NLRP11: variants seen among roughly 807,000 people sequenced by gnomAD.
NLRP11 encodes the protein NLR family pyrin domain containing 11, also known as NACHT, LRR and PYD domains-containing protein 11.
A neutral mutation model predicts 79.3 loss-of-function variants in NLRP11; 53 were observed. That is an observed-to-expected ratio of 0.67 (90% CI 0.54 to 0.84). The LOEUF is 0.84. NLRP11 is among the 40% of genes least tolerant of loss of function. The pLI is 0.00. For synonymous variants in NLRP11, 518 were observed against 462.6 expected (o/e 1.12, Z -1.54); for missense variants, 1,264 against 1,255.0 (o/e 1.01, Z -0.11).
chr19:55,806,150 G>T (rs1273503392), intron 4 of NLRP11, among the ~76,000 whole-genome samples: 1 of 152,022 alleles, frequency 6.6e-6, no homozygotes, highest in African/African-American at 2.4e-5. Flanking sequence ...AGAACTCCGG[G>T]CATCAGTCTT....
chr19:55,792,415 A>G, exon 7 of NLRP11: 1 of 1,614,152 alleles, frequency 6.2e-7, no homozygotes, highest in South Asian at 1.1e-5. Flanking sequence ...TGGGCTGAAC[A>G]GAAGCACTCT....
intron 1 of NLRP11, among the ~76,000 whole-genome samples, chr19:55,822,323 A>G (rs1246412550): frequency 6.6e-6 from 1 of 152,234 alleles, no homozygotes; most frequent in Non-Finnish European, 1.5e-5. Flanking sequence ...CTCTCACCCT[A>G]AAATGATATC....
chr19:55,797,337 G>A (rs543211846), intron 5 of NLRP11, among the ~76,000 whole-genome samples: 17 of 152,188 alleles, frequency 1.1e-4, no homozygotes, highest in Non-Finnish European at 1.8e-4. Context: ...AAAAATAAGT[G>A]ATCTTTCCCC....
chr19:55,808,659 A>G (rs1487098760), intron 3 of NLRP11, 110 bp downstream of exon 3: 1 of 942,938 alleles, frequency 1.1e-6, no homozygotes, highest in Admixed American at 2.4e-5. Context: ...GCTAGATTGG[A>G]AGTCAAGTTC....
intron 2 of NLRP11, among the ~76,000 whole-genome samples, chr19:55,814,581 TA>T (rs11380186): frequency 3.3e-5 from 5 of 150,226 alleles, no homozygotes; most frequent in Non-Finnish European, 5.9e-5. Context: ...ACCATGCAAC[TA>T]AAAAAAAAAT....
intron 2 of NLRP11, among the ~76,000 whole-genome samples, chr19:55,812,511 C>T (rs1980700515): frequency 6.6e-6 from 1 of 152,100 alleles, no homozygotes; most frequent in Non-Finnish European, 1.5e-5. Flanking sequence ...TTCAACATCA[C>T]GAATCAGAAA....
At chr19:55,827,400 C>A (rs1270926173) in intron 1 of NLRP11, among the ~76,000 whole-genome samples, 5 of 150,290 alleles carry the variant, frequency 3.3e-5, no homozygotes, top group African/African-American at 7.4e-5. Flanking sequence ...GCAACAAAAG[C>A]CAAAATTGAC....
At chr19:55,812,706 T>C (rs1308385257) in intron 2 of NLRP11, among the ~76,000 whole-genome samples, 5 of 151,962 alleles carry the variant, frequency 3.3e-5, no homozygotes, top group African/African-American at 9.7e-5. Flanking sequence ...AAATGAAAAA[T>C]AGAACTACCC....
chr19:55,785,846 G>A lies in NLRP11; in HGVS notation c.2881C>T (p.Gln961Ter). ...ACAGTCATCAGCAACTGCTGGGTTTGTGTGTTCAGGCCAGTTAATGGAAGC... is the reference window on the plus strand; with the variant it reads ...ACAGTCATCAGCAACTGCTGGGTTTATGTGTTCAGGCCAGTTAATGGAAGC... Residue 961 changes from glutamine (Q) to a stop codon, truncating the protein, a stop_gained, in exon 10 of 10, where the codon CAA becomes TAA. Transcript: ENST00000589093. LOFTEE classifies it low-confidence loss of function (END_TRUNC). 6.2e-7 allele frequency: 1 copy of A among 1,614,034 alleles called. No individual in the cohort carries two copies. Among genetic ancestry groups the A allele is most frequent in the Middle Eastern group, 1.6e-4 (1 of 6,062 alleles).
intron 1 of NLRP11, among the ~76,000 whole-genome samples, chr19:55,820,465 T>C (rs1981579271): frequency 6.6e-6 from 1 of 152,094 alleles, no homozygotes; most frequent in South Asian, 2.1e-4. Context: ...AAAATCCCAC[T>C]GAACAGAGGG....
In NLRP11 at chr19:55,791,987, A is replaced by G. The variant is rs143047993; in HGVS notation, c.2513+314T>C. On this transcript the variant is annotated intron_variant, in intron 7 of 9. Transcript: ENST00000589093. ...AAATTGCAAGCCAGGCCAGGGCAGG[A>G]TCTTTGGGTCCCTTCTCCTGTGGCA... Among the ~76,000 whole-genome samples, 1,168 of 152,114 alleles carry G rather than the reference A, an allele frequency of 7.7e-3. 14 individuals are homozygous for G. Among genetic ancestry groups the G allele is most frequent in the African/African-American group, 0.027 (1,109 of 41,494 alleles).
At chr19:55,829,895 C>T (rs1600208118) in intron 1 of NLRP11, among the ~76,000 whole-genome samples, 1 of 152,070 alleles carries the variant, frequency 6.6e-6, no homozygotes, top group African/African-American at 2.4e-5. Context: ...TACTATTGAC[C>T]AGAAGCCTTA....
At chr19:55,806,678 G>T (rs918011180) in intron 4 of NLRP11, among the ~76,000 whole-genome samples, 1 of 152,012 alleles carries the variant, frequency 6.6e-6, no homozygotes, top group Non-Finnish European at 1.5e-5. Context: ...CTAAATTATG[G>T]CATCTCTGCT....
In NLRP11 at chr19:55,813,470, T is replaced by G. The variant is rs529913880; in HGVS notation, c.272-3132A>C. Among the ~76,000 whole-genome samples, 35 of 152,294 alleles carry G rather than the reference T, an allele frequency of 2.3e-4. No individual in the cohort carries two copies. The South Asian group carries it at 7.0e-3, about 31-fold the overall frequency. On this transcript the variant is annotated intron_variant, in intron 2 of 9. Coordinates refer to ENST00000589093, the Ensembl canonical transcript of NLRP11. ...CCTGTCCCAAATTCCAAAGCTCCAT[T>G]TGAGTTTTGTTTTCCACTGGGAGCA... is the stretch of plus-strand genomic sequence containing the variant.
At chr19:55,828,964 A>G (rs1982487414) in intron 1 of NLRP11, among the ~76,000 whole-genome samples, 1 of 152,224 alleles carries the variant, frequency 6.6e-6, no homozygotes, top group African/African-American at 2.4e-5. Flanking sequence ...CATTGAGGAA[A>G]TATCAATTAG....
intron 2 of NLRP11, among the ~76,000 whole-genome samples, chr19:55,815,971 T>C (rs1160514489): frequency 6.6e-6 from 1 of 152,094 alleles, no homozygotes; most frequent in African/African-American, 2.4e-5. Flanking sequence ...ATATAAGCCA[T>C]GGGTTGGAGG....
At chr19:55,785,537 A>C in exon 10 of NLRP11, 1 of 1,181,144 alleles carries the variant, frequency 8.5e-7, no homozygotes, top group South Asian at 1.5e-5. Context: ...ACACACACAC[A>C]CATCAAATAG....
chr19:55,796,398 C>T (rs1279830392), intron 5 of NLRP11, 148 bp from the exon 6 acceptor site: 4 of 690,810 alleles, frequency 5.8e-6, no homozygotes, highest in Non-Finnish European at 7.0e-6. Context: ...AACCTTTCTT[C>T]TCCCTATGCC....
intron 9 of NLRP11, 32 bp from the exon 10 acceptor site, chr19:55,785,903 T>C (rs754736781): frequency 4.4e-6 from 7 of 1,598,164 alleles, no homozygotes; most frequent in Non-Finnish European, 6.0e-6. Flanking sequence ...ACGCCGTTAA[T>C]GCTACATGTG....
Sources: allele counts gnomAD v4.1 joint callset (sites outside exome capture counted in the v4.1 genomes callset), GRCh38; gene constraint gnomAD v4.1.1; transcripts MANE v1.5; gene names NCBI Gene and HGNC (gene_info 2026-07-23, HGNC 2026-07-21).